Variants in HIBADH observed in about 807,000 individuals in gnomAD.
HIBADH encodes 3-hydroxyisobutyrate dehydrogenase, mitochondrial.
In HIBADH, 25 loss-of-function variants were observed where a neutral mutation model predicts 36.1. The observed-to-expected ratio is 0.69, with a 90% CI of 0.50 to 0.97. The LOEUF is 0.97. Ranked by LOEUF, HIBADH falls within the 50% of genes least tolerant of loss-of-function variation. The pLI, the probability that HIBADH is intolerant of heterozygous loss-of-function variation, is 0.00. For synonymous variants in HIBADH, 160 were observed against 149.5 expected, an observed-to-expected ratio of 1.07 and a Z score of -0.51; for missense variants, 421 against 418.0, an observed-to-expected ratio of 1.01 and a Z score of -0.06.
intron 4 of HIBADH, among the ~76,000 whole-genome samples, chr7:27,597,951 C>T (rs939333076): frequency 6.6e-6 from 1 of 152,132 alleles, no homozygotes; most frequent in Non-Finnish European, 1.5e-5. Flanking sequence ...TGTGTCAAAG[C>T]ACATCTGCAG....
chr7:27,635,358 A>G (rs1785821101), intron 2 of HIBADH, among the ~76,000 whole-genome samples: 1 of 152,180 alleles, frequency 6.6e-6, no homozygotes, highest in African/African-American at 2.4e-5. Flanking sequence ...ACATTTGCTA[A>G]TTGAATGGAT....
intron 7 of HIBADH, among the ~76,000 whole-genome samples, chr7:27,530,593 G>A (rs895173520): frequency 3.3e-5 from 5 of 152,106 alleles, no homozygotes; most frequent in African/African-American, 1.2e-4. Flanking sequence ...AAGCACTGCA[G>A]AAATCTGAAA....
intron 4 of HIBADH, among the ~76,000 whole-genome samples, chr7:27,623,141 T>C (rs1479450688): frequency 2.0e-5 from 3 of 152,256 alleles, no homozygotes; most frequent in South Asian, 4.1e-4. Flanking sequence ...CACAACAGAA[T>C]GAAGGACAAA....
At chr7:27,657,106 T>C (rs1786320794) in intron 1 of HIBADH, among the ~76,000 whole-genome samples, 1 of 151,796 alleles carries the variant, frequency 6.6e-6, no homozygotes, top group Non-Finnish European at 1.5e-5. Flanking sequence ...TAATGGGGAA[T>C]AAACAAGAGA....
intron 4 of HIBADH, among the ~76,000 whole-genome samples, chr7:27,611,940 C>A (rs1785328446): frequency 6.6e-6 from 1 of 152,200 alleles, no homozygotes; most frequent in Non-Finnish European, 1.5e-5. Flanking sequence ...GGCATCCCAT[C>A]CACTATCCAA....
chr7:27,548,217 T>C (rs1784263352), intron 4 of HIBADH, among the ~76,000 whole-genome samples: 1 of 147,830 alleles, frequency 6.8e-6, no homozygotes, highest in Non-Finnish European at 1.5e-5. Context: ...AAAAGTATCA[T>C]AGAGGACTCC....
intron 4 of HIBADH, among the ~76,000 whole-genome samples, chr7:27,622,752 CATT>C (rs1481523207): frequency 2.0e-5 from 3 of 152,116 alleles, no homozygotes; most frequent in Non-Finnish European, 4.4e-5. Context: ...CCTGAACTGA[CATT>C]ATAGGTAGCA....
intron 4 of HIBADH, among the ~76,000 whole-genome samples, chr7:27,550,582 C>CT (rs1434766424): frequency 1.3e-5 from 2 of 152,220 alleles, no homozygotes; most frequent in African/African-American, 4.8e-5. Context: ...TCTCTGCCTT[C>CT]TTTGCCTGGC....
At chr7:27,632,669 G>A (rs538850101) in intron 2 of HIBADH, among the ~76,000 whole-genome samples, 24 of 151,352 alleles carry the variant, frequency 1.6e-4, no homozygotes, top group Non-Finnish European at 2.2e-4. Context: ...CAAATCTATC[G>A]TTTATTTTTA....
intron 4 of HIBADH, among the ~76,000 whole-genome samples, chr7:27,577,399 G>A (rs969980486): frequency 3.3e-5 from 5 of 152,108 alleles, no homozygotes; most frequent in Non-Finnish European, 7.4e-5. Context: ...CTGACCTCAG[G>A]TGATCTGCCG....
At chr7:27,541,258 T>A (rs557474186) in intron 5 of HIBADH, among the ~76,000 whole-genome samples, 1 of 152,294 alleles carries the variant, frequency 6.6e-6, no homozygotes, top group East Asian at 1.9e-4. Context: ...TGTCTCTTGG[T>A]TGGCAGAAGC....
At chr7:27,575,284 G>GTGAC (rs1360833059) in intron 4 of HIBADH, among the ~76,000 whole-genome samples, 1 of 152,194 alleles carries the variant, frequency 6.6e-6, no homozygotes, top group African/African-American at 2.4e-5. Context: ...CACAGGGAGG[G>GTGAC]TGACTTTTAC....
At chr7:27,578,211 A>G (rs541213177) in intron 4 of HIBADH, among the ~76,000 whole-genome samples, 229 of 152,340 alleles carry the variant, frequency 1.5e-3, no homozygotes, top group African/African-American at 5.2e-3. Flanking sequence ...TTTTTTTTGA[A>G]GATACATTAT....
At chr7:27,612,612 C>T (rs977573662) in intron 4 of HIBADH, among the ~76,000 whole-genome samples, 3 of 151,520 alleles carry the variant, frequency 2.0e-5, no homozygotes, top group Admixed American at 6.6e-5. Flanking sequence ...CATGAGCCAC[C>T]GCGCCCAGCC....
chr7:27,632,470 A>T (rs761565461), intron 2 of HIBADH, 25 bp from the exon 3 acceptor site: 1 of 1,476,060 alleles, frequency 6.8e-7, no homozygotes, highest in South Asian at 1.1e-5. Context: ...GCAAAGGCAC[A>T]TTATTTAAAT....
Position 27,632,212 on chromosome 7 carries a change from C to G in HIBADH, c.362+124G>C, listed in dbSNP as rs1221379434. The G allele has an allele frequency of 2.5e-5, 16 of 652,848 alleles. No individual in the cohort carries two copies. The South Asian group carries it at 3.1e-4, about 13-fold the overall frequency. 40.4% of individuals were successfully genotyped at this position (652,848 alleles called of 1,614,324 possible). ...AATGAGAAAACCACCACACTATTCA[C>G]TTTATGAAATAAAAACAGTATAGAA... On this transcript the variant is annotated intron_variant, in intron 3 of 7. Coordinates refer to ENST00000265395, the MANE Select transcript of HIBADH (RefSeq NM_152740.4).
chr7:27,593,379 T>C (rs1784976525), intron 4 of HIBADH, among the ~76,000 whole-genome samples: 1 of 152,136 alleles, frequency 6.6e-6, no homozygotes, highest in South Asian at 2.1e-4. Flanking sequence ...AGACTGTAAG[T>C]TCCAAGGGCA....
intron 4 of HIBADH, among the ~76,000 whole-genome samples, chr7:27,559,207 T>G (rs1007938621): frequency 2.0e-5 from 3 of 152,332 alleles, no homozygotes; most frequent in Admixed American, 2.0e-4. Flanking sequence ...TGACCTCACT[T>G]TAACTTCATT....
chr7:27,581,748 C>T (rs1342007954), intron 4 of HIBADH, among the ~76,000 whole-genome samples: 1 of 151,918 alleles, frequency 6.6e-6, no homozygotes, highest in African/African-American at 2.4e-5. Context: ...GTTCAGAAGA[C>T]TCTGTGGATC....
Sources: allele counts gnomAD v4.1 joint callset (sites outside exome capture counted in the v4.1 genomes callset), GRCh38; gene constraint gnomAD v4.1.1; transcripts MANE v1.5; gene names NCBI Gene and HGNC (gene_info 2026-07-23, HGNC 2026-07-21).